The following ABCC9 variants were observed in gnomAD, a reference collection of about 807,000 sequenced individuals.
ABCC9 encodes ATP binding cassette subfamily C member 9, also known as ATP-binding cassette sub-family C member 9.
In ABCC9, 95 loss-of-function variants were observed where a neutral mutation model predicts 188.3. That is an observed-to-expected ratio of 0.50 (90% CI 0.43 to 0.60). ABCC9 has a LOEUF of 0.60. ABCC9 is among the 20% of genes least tolerant of loss of function. The pLI is 0.00. For synonymous variants in ABCC9, 659 were observed against 652.7 expected, an observed-to-expected ratio of 1.01 and a Z score of -0.15; for missense variants, 1,102 against 1,876.3, an observed-to-expected ratio of 0.59 and a Z score of 7.62.
intron 26 of ABCC9, 58 bp from the exon 27 acceptor site, chr12:21,844,973 C>G: frequency 1.3e-6 from 2 of 1,581,790 alleles, no homozygotes; most frequent in East Asian, 2.3e-5. Context: ...TTCTTTCTTA[C>G]TAGAAAACCA....
At chr12:21,934,597 C>T (rs1460358445) in intron 3 of ABCC9, among the ~76,000 whole-genome samples, 1 of 151,022 alleles carries the variant, frequency 6.6e-6, no homozygotes, top group Non-Finnish European at 1.5e-5. Flanking sequence ...CCCTAAAGTA[C>T]TATACAGTTT....
At chr12:21,826,734 T>G (rs937831154) in intron 31 of ABCC9, among the ~76,000 whole-genome samples, 2 of 152,184 alleles carry the variant, frequency 1.3e-5, no homozygotes, top group Non-Finnish European at 2.9e-5. Flanking sequence ...ATACAATGGA[T>G]GGAGGCAAAG....
chr12:21,801,692 G>A (rs1941443862), intron 39 of ABCC9, among the ~76,000 whole-genome samples: 1 of 152,202 alleles, frequency 6.6e-6, no homozygotes, highest in Non-Finnish European at 1.5e-5. Flanking sequence ...TAGACATGCA[G>A]TCTCAGTCTT....
rs113761754 is a variant in ABCC9 at position 21,883,107 on chromosome 12, A to G, written c.1912-234T>C. Among the ~76,000 whole-genome samples the G allele has an allele frequency of 0.016, 2,456 of 152,350 alleles. 57 individuals are homozygous for G. Among genetic ancestry groups the G allele is most frequent in the African/African-American group, 0.053 (2,210 of 41,580 alleles). On this transcript the variant is annotated intron_variant, in intron 15 of 39. Coordinates refer to ENST00000261200, the MANE Select transcript of ABCC9 (RefSeq NM_020297.4). ...AAATATGAAAATAGGATACTTGCAAATGATGGAAGTTAAAGTACAGAGTCC... is the reference window on the plus strand; with the variant it reads ...AAATATGAAAATAGGATACTTGCAAGTGATGGAAGTTAAAGTACAGAGTCC...
intron 30 of ABCC9, 97 bp downstream of exon 30, chr12:21,837,981 A>T (rs1001721227): frequency 1.9e-6 from 2 of 1,052,014 alleles, no homozygotes; most frequent in African/African-American, 3.1e-5. Flanking sequence ...CAATGGGGAG[A>T]TCAAACAAAA....
intron 29 of ABCC9, among the ~76,000 whole-genome samples, chr12:21,838,642 A>G (rs1374214213): frequency 6.6e-6 from 1 of 152,174 alleles, no homozygotes; most frequent in Non-Finnish European, 1.5e-5. Context: ...GGGCTGTTGT[A>G]GTAGGAAGAG....
chr12:21,935,760 G>C lies in ABCC9; in HGVS notation c.142+773C>G, dbSNP rs112056637. ...TTTCTATATTCTTTAGATGAGCGTTGGTAGGCTCAATGGATATTTATTATA... is the reference window on the plus strand; with the variant it reads ...TTTCTATATTCTTTAGATGAGCGTTCGTAGGCTCAATGGATATTTATTATA... On this transcript the variant is annotated intron_variant, in intron 3 of 39. Coordinates refer to ENST00000261200, the MANE Select transcript of ABCC9 (RefSeq NM_020297.4). Among the ~76,000 whole-genome samples, 262 of 151,936 alleles carry C rather than the reference G, an allele frequency of 1.7e-3. 1 individual carries two copies. Among genetic ancestry groups the C allele is most frequent in the Middle Eastern group, 6.9e-3 (2 of 290 alleles).
intron 10 of ABCC9, 77 bp downstream of exon 10, chr12:21,910,080 C>T: frequency 7.3e-7 from 1 of 1,367,716 alleles, no homozygotes; most frequent in Non-Finnish European, 1.0e-6. Flanking sequence ...ACACCTTTTA[C>T]AGAGCTAAAT....
chr12:21,815,424 AAAAG>A (rs1168413504), intron 34 of ABCC9, among the ~76,000 whole-genome samples: 1 of 152,124 alleles, frequency 6.6e-6, no homozygotes, highest in Non-Finnish European at 1.5e-5. Context: ...TACAATAACT[AAAAG>A]AAGTCATTTG....
chr12:21,844,895 A>G lies in ABCC9; in HGVS notation c.3117T>C (p.Phe1039=). ...KADQTYYVAG[F]SILCGAGIFL... ...AAATGCCTGCTCCACAGAGTATGCT[A>G]AAGCCAGCCACATAGTAGGTCTAAA... Residue 1039 remains phenylalanine, a synonymous_variant, in exon 27 of 40, where the codon TTT becomes TTC. Transcript: ENST00000261200. 6.2e-7 allele frequency: 1 copy of G among 1,613,874 alleles called. No individual in the cohort carries two copies. Among genetic ancestry groups the G allele is most frequent in the Non-Finnish European group, 8.5e-7 (1 of 1,179,802 alleles).
chr12:21,809,849 T>C lies in ABCC9; in HGVS notation c.4315+3A>G, dbSNP rs768387149. 6.4e-7 allele frequency: 1 copy of C among 1,566,292 alleles called. No individual in the cohort carries two copies. On this transcript the variant is annotated splice_donor_region_variant and intron_variant, in intron 37 of 39. Coordinates refer to ENST00000261200, the MANE Select transcript of ABCC9 (RefSeq NM_020297.4). ...AAATAAATATGCTATTTAGGAAATA[T>C]ACCTAGACCTCCAGGTAGAGATTTG...
Position 21,920,753 on chromosome 12 carries a change from C to T in ABCC9, c.407-3650G>A, listed in dbSNP as rs149773399. Among the ~76,000 whole-genome samples, 629 of 152,126 alleles carry T rather than the reference C, an allele frequency of 4.1e-3. 5 individuals are homozygous for T. The highest frequency in any genetic ancestry group is 0.014 in the African/African-American group (568 of 41,520). Reference sequence around the variant, plus strand: ...CCAGCCTCTGGTATCCATCATTCTACTCTCTATCTCCATGAGTTCAATTGT... The same window carrying T: ...CCAGCCTCTGGTATCCATCATTCTATTCTCTATCTCCATGAGTTCAATTGT... On this transcript the variant is annotated intron_variant, in intron 5 of 39. Transcript: ENST00000261200.
chr12:21,807,103 T>C (rs1941909614), intron 38 of ABCC9, among the ~76,000 whole-genome samples: 1 of 152,158 alleles, frequency 6.6e-6, no homozygotes, highest in South Asian at 2.1e-4. Flanking sequence ...CTGAAAATTT[T>C]TCAAAAAGTT....
At chr12:21,905,634 T>G (rs1054901185) in intron 12 of ABCC9, among the ~76,000 whole-genome samples, 2 of 152,100 alleles carry the variant, frequency 1.3e-5, no homozygotes, top group African/African-American at 4.8e-5. Flanking sequence ...CAGCCACAAG[T>G]GCTACCCATG....
intron 20 of ABCC9, among the ~76,000 whole-genome samples, chr12:21,861,540 A>G (rs1393706056): frequency 6.6e-6 from 1 of 152,016 alleles, no homozygotes; most frequent in Non-Finnish European, 1.5e-5. Flanking sequence ...CTGGGTTCCG[A>G]CTCTTAAAAA....
chr12:21,935,183 G>C (rs1410087019), intron 3 of ABCC9, among the ~76,000 whole-genome samples: 1 of 152,106 alleles, frequency 6.6e-6, no homozygotes, highest in East Asian at 1.9e-4. Context: ...CTCTCAAAAA[G>C]TTAACCAGAT....
chr12:21,845,049 G>A lies in ABCC9; in HGVS notation c.3097-134C>T, dbSNP rs1592052120. ...CATGCATTTAGACGGTTGAAGGAAT[G>A]CAATTTTTTGAGGCCCAGGGTAGTA... On this transcript the variant is annotated intron_variant, in intron 26 of 39. Coordinates refer to ENST00000261200, the MANE Select transcript of ABCC9 (RefSeq NM_020297.4). 5.3e-5 allele frequency: 61 copies of A among 1,142,858 alleles called. 1 individual carries two copies. In the East Asian group the frequency reaches 1.5e-3, roughly 29 times the overall value. The allele number at this position is 1,142,858 out of a possible 1,614,324, so 70.8% of individuals were successfully genotyped here.
At chr12:21,883,808 A>G (rs1164541381) in intron 15 of ABCC9, among the ~76,000 whole-genome samples, 1 of 152,078 alleles carries the variant, frequency 6.6e-6, no homozygotes, top group African/African-American at 2.4e-5. Context: ...CTCAAATGTT[A>G]TAGCCCTATT....
At chr12:21,812,323 G>A (rs543671141) in intron 35 of ABCC9, among the ~76,000 whole-genome samples, 166 bp from the exon 36 acceptor site, 15 of 152,230 alleles carry the variant, frequency 9.9e-5, no homozygotes, top group East Asian at 9.7e-4. Context: ...TAGAAACACC[G>A]TTTGACTCAG....
Sources: gnomAD v4.1 joint callset for allele counts (sites outside exome capture counted in the v4.1 genomes callset) on GRCh38, gnomAD v4.1.1 for gene constraint, MANE v1.5 for transcripts, NCBI Gene and HGNC (gene_info 2026-07-23, HGNC 2026-07-21) for gene names.